The following KATNAL2 variants were observed in gnomAD, a reference collection of about 807,000 sequenced individuals.
KATNAL2 encodes katanin catalytic subunit A1 like 2, also known as katanin p60 ATPase-containing subunit A-like 2.
KATNAL2 carries 52 observed loss-of-function variants against 76.3 expected under a neutral mutation model. The ratio of observed to expected loss-of-function variants is 0.68; its 90% CI spans 0.55 to 0.86. The LOEUF is 0.86. Among genes scored for constraint, KATNAL2 ranks in the 40% least tolerant of loss-of-function variants. The pLI is 0.00. For synonymous variants in KATNAL2, 243 were observed against 244.2 expected (o/e 1.00, Z 0.05); for missense variants, 660 against 668.9 (o/e 0.99, Z 0.15).
At chr18:47,096,911 G>A (rs538302679) in intron 15 of KATNAL2, among the ~76,000 whole-genome samples, 2 of 152,182 alleles carry the variant, frequency 1.3e-5, no homozygotes, top group South Asian at 4.2e-4. Context: ...GCTGAGGCGG[G>A]TGGACTGCTT....
intron 15 of KATNAL2, among the ~76,000 whole-genome samples, chr18:47,079,250 C>T (rs2062393552): frequency 6.6e-6 from 1 of 152,198 alleles, no homozygotes; most frequent in African/African-American, 2.4e-5. Flanking sequence ...ACATAATTAA[C>T]AGTGATTCCT....
At chr18:46,957,080 C>T (rs2059773635) in intron 3 of KATNAL2, among the ~76,000 whole-genome samples, 1 of 151,374 alleles carries the variant, frequency 6.6e-6, no homozygotes, top group African/African-American at 2.4e-5. Context: ...TATTCTGATC[C>T]AGAAGTTTTG....
Position 47,068,260 on chromosome 18 carries a change from A to G in KATNAL2, c.826-960A>G, listed in dbSNP as rs547011661. Among the ~76,000 whole-genome samples, 65 of 152,310 alleles carry G rather than the reference A, an allele frequency of 4.3e-4. No homozygotes were observed. The South Asian group carries it at 6.4e-3, about 15-fold the overall frequency. On this transcript the variant is annotated intron_variant, in intron 11 of 17. Coordinates refer to ENST00000683218, the MANE Select transcript of KATNAL2 (RefSeq NM_001387690.1). ...CTCCTGCTGTTAGGATTATGAATTTATTTTATTGAATAACCTATTTAGTCT... is the reference window on the plus strand; with the variant it reads ...CTCCTGCTGTTAGGATTATGAATTTGTTTTATTGAATAACCTATTTAGTCT...
intron 3 of KATNAL2, among the ~76,000 whole-genome samples, chr18:47,042,120 G>A (rs150969998): frequency 2.6e-5 from 4 of 152,132 alleles, no homozygotes; most frequent in East Asian, 1.9e-4. Context: ...TATCAGATAC[G>A]TCCTTTGCAA....
chr18:47,036,376 G>A (rs534834567), intron 3 of KATNAL2, among the ~76,000 whole-genome samples: 2 of 152,196 alleles, frequency 1.3e-5, no homozygotes, highest in Admixed American at 6.5e-5. Flanking sequence ...TCTTGGTTTG[G>A]CCCTTCAAAA....
chr18:47,052,134 G>A (rs1038276548), intron 4 of KATNAL2, among the ~76,000 whole-genome samples: 1 of 152,214 alleles, frequency 6.6e-6, no homozygotes, highest in Non-Finnish European at 1.5e-5. Context: ...TTAAGACCTG[G>A]AGAGTCTTTC....
At chr18:47,063,927 CA>C (rs1321469393) in intron 10 of KATNAL2, among the ~76,000 whole-genome samples, 1 of 152,172 alleles carries the variant, frequency 6.6e-6, no homozygotes, top group Non-Finnish European at 1.5e-5. Context: ...TGACTTTGGG[CA>C]AGTTCCTGGG....
intron 15 of KATNAL2, among the ~76,000 whole-genome samples, chr18:47,089,685 T>C (rs117525379): frequency 5.9e-4 from 90 of 152,332 alleles, no homozygotes; most frequent in Non-Finnish European, 1.0e-3. Context: ...ATTGTTTCCA[T>C]TATTTTCACT....
At chr18:47,064,391 C>T (rs1233837244) in intron 10 of KATNAL2, among the ~76,000 whole-genome samples, 1 of 152,044 alleles carries the variant, frequency 6.6e-6, no homozygotes, top group African/African-American at 2.4e-5. Context: ...ACCTAAGAAG[C>T]AGGGAGTGGT....
intron 15 of KATNAL2, among the ~76,000 whole-genome samples, chr18:47,081,437 AG>A (rs2062516261): frequency 6.6e-6 from 1 of 152,272 alleles, no homozygotes; most frequent in Admixed American, 6.5e-5. Context: ...TATAAAAATT[AG>A]TGTGATATTG....
chr18:47,031,208 T>C (rs1312299256), intron 3 of KATNAL2, among the ~76,000 whole-genome samples: 1 of 150,264 alleles, frequency 6.7e-6, no homozygotes, highest in Non-Finnish European at 1.5e-5. Context: ...CTCCCACCGG[T>C]TGTTTAAAAT....
intron 1 of KATNAL2, among the ~76,000 whole-genome samples, chr18:46,942,716 A>G: frequency 6.6e-6 from 1 of 152,144 alleles, no homozygotes; most frequent in East Asian, 1.9e-4. Context: ...GATTACAATA[A>G]TAGTTATTTT....
intron 1 of KATNAL2, among the ~76,000 whole-genome samples, chr18:46,927,100 G>T (rs546910546): frequency 6.6e-6 from 1 of 152,224 alleles, no homozygotes; most frequent in South Asian, 2.1e-4. Flanking sequence ...AGTTAATATT[G>T]TTATGTGTGA....
chr18:46,941,603 G>T (rs543304093), intron 1 of KATNAL2, among the ~76,000 whole-genome samples: 1 of 152,076 alleles, frequency 6.6e-6, no homozygotes, highest in South Asian at 2.1e-4. Flanking sequence ...GTATAATTTT[G>T]TTTCTCTTTT....
At chr18:47,089,899 T>C (rs191144169) in intron 15 of KATNAL2, among the ~76,000 whole-genome samples, 1 of 152,106 alleles carries the variant, frequency 6.6e-6, no homozygotes, top group African/African-American at 2.4e-5. Flanking sequence ...TGTGTTCAAG[T>C]AGTATTTCTT....
At chr18:47,054,237 C>T (rs2061411526) in intron 5 of KATNAL2, among the ~76,000 whole-genome samples, 159 bp from the exon 6 acceptor site, 1 of 152,206 alleles carries the variant, frequency 6.6e-6, no homozygotes, top group Non-Finnish European at 1.5e-5. Flanking sequence ...CTGGTAATTT[C>T]AGTTCTCTCT....
chr18:47,097,442 C>T (rs897551075), intron 15 of KATNAL2, among the ~76,000 whole-genome samples: 6 of 152,152 alleles, frequency 3.9e-5, no homozygotes, highest in African/African-American at 1.4e-4. Flanking sequence ...CTATGCAATA[C>T]GCTTGCCAAA....
At chr18:47,096,591 G>A (rs1171976740) in intron 15 of KATNAL2, among the ~76,000 whole-genome samples, 1 of 152,082 alleles carries the variant, frequency 6.6e-6, no homozygotes, top group Non-Finnish European at 1.5e-5. Flanking sequence ...CCCAAGGGCT[G>A]GGATTACAGG....
Position 47,054,252 on chromosome 18 carries a change from G to A in KATNAL2, c.290-144G>A, listed in dbSNP as rs889874326. 2.7e-5 allele frequency: 19 copies of A among 697,114 alleles called. No homozygotes were observed. In the African/African-American group the frequency reaches 3.2e-4, roughly 12 times the overall value. 43.2% of individuals were successfully genotyped at this position (697,114 alleles called of 1,614,324 possible). A position where few individuals can be genotyped will look rare whatever the true frequency, so the allele number is the denominator to read the frequency against. ...CTGGTAATTTCAGTTCTCTCTAGAT[G>A]AGAATAGCTTAAAGTCTCTAGATTC... On this transcript the variant is annotated intron_variant, in intron 5 of 17. Transcript: ENST00000683218.
Sources: gnomAD v4.1 joint callset for allele counts (sites outside exome capture counted in the v4.1 genomes callset) on GRCh38, gnomAD v4.1.1 for gene constraint, MANE v1.5 for transcripts, NCBI Gene and HGNC (gene_info 2026-07-23, HGNC 2026-07-21) for gene names.